Variants in NME8 observed in about 807,000 individuals in gnomAD.
The protein encoded by NME8 is protein NME8.
Under a neutral mutation model 82.3 loss-of-function variants are expected in NME8, and 72 were observed. The ratio of observed to expected loss-of-function variants is 0.87; its 90% CI spans 0.72 to 1.06. The LOEUF is 1.06. Among genes scored for constraint, NME8 ranks in the 50% least tolerant of loss-of-function variants. The pLI is 0.00. For missense variants in NME8, 712 were observed against 685.4 expected (o/e 1.04, Z -0.43); for synonymous variants, 267 against 228.5 (o/e 1.17, Z -1.52).
intron 10 of NME8, among the ~76,000 whole-genome samples, chr7:37,866,040 A>C (rs1784670946): frequency 6.6e-6 from 1 of 151,032 alleles, no homozygotes; most frequent in African/African-American, 2.4e-5. Context: ...CAACTGCCCC[A>C]CTCCTGCCAC....
At chr7:37,889,719 C>T (rs376849239) in intron 15 of NME8, among the ~76,000 whole-genome samples, 31 of 151,694 alleles carry the variant, frequency 2.0e-4, no homozygotes, top group Non-Finnish European at 3.1e-4. Context: ...GTGGTGTTGC[C>T]GAACTACCAT....
At chr7:37,895,548 G>A (rs7811872) in intron 16 of NME8, among the ~76,000 whole-genome samples, 4,432 of 152,190 alleles carry the variant, frequency 0.029, 102 homozygotes, top group Non-Finnish European at 0.04. Flanking sequence ...TTTACACAGA[G>A]TTCATAATTA....
chr7:37,899,776 C>A (rs1360070806), intron 17 of NME8, among the ~76,000 whole-genome samples: 1 of 152,120 alleles, frequency 6.6e-6, no homozygotes, highest in African/African-American at 2.4e-5. Flanking sequence ...ACAATACCAA[C>A]AAACTCCCTA....
At chr7:37,864,665 C>T (rs2598032) in intron 9 of NME8, among the ~76,000 whole-genome samples, 2 of 151,984 alleles carry the variant, frequency 1.3e-5, no homozygotes, top group African/African-American at 4.8e-5. Flanking sequence ...AGTTCTTATA[C>T]TAGATTGTAT....
chr7:37,858,486 G>GT (rs1784546009), intron 6 of NME8, among the ~76,000 whole-genome samples: 1 of 151,982 alleles, frequency 6.6e-6, no homozygotes, highest in Admixed American at 6.6e-5. Flanking sequence ...GTTTTGTTTT[G>GT]TTTTTTGTAA....
Position 37,862,014 on chromosome 7 carries a change from C to T in NME8, c.271-14C>T, listed in dbSNP as rs75531720. The T allele has an allele frequency of 1.0e-3, 1,576 of 1,564,850 alleles. 13 individuals are homozygous for T. The African/African-American group carries it at 0.016, about 15-fold the overall frequency. On this transcript the variant is annotated splice_polypyrimidine_tract_variant and intron_variant, in intron 6 of 17. Coordinates refer to ENST00000199447, the MANE Select transcript of NME8 (RefSeq NM_016616.5). ...CAAATGAAAGTTCCCCTCCTGTTTT[C>T]ATTTCCCTTATAGAATGGCAAAATT... is the stretch of plus-strand genomic sequence containing the variant.
intron 5 of NME8, among the ~76,000 whole-genome samples, chr7:37,851,475 T>G (rs1784437627): frequency 7.2e-6 from 1 of 138,684 alleles, no homozygotes; most frequent in Admixed American, 7.1e-5. Context: ...GGATTAATTA[T>G]TTCTGATTAA....
At chr7:37,882,596 AAAGAGAGAGAGAGAGAG>A (rs1562838187) in intron 12 of NME8, among the ~76,000 whole-genome samples, 22 of 49,826 alleles carry the variant, frequency 4.4e-4, no homozygotes, top group South Asian at 9.2e-4. Context: ...AGAAAGAAAG[AAAGAGAGAGAGAGAGAG>A]AGAAAGAAAG....
chr7:37,878,046 G>A (rs1784884246), intron 12 of NME8, among the ~76,000 whole-genome samples: 1 of 152,122 alleles, frequency 6.6e-6, no homozygotes, highest in African/African-American at 2.4e-5. Context: ...AGACATCTTT[G>A]CCTTGTACCT....
At chr7:37,861,409 C>T (rs564021796) in intron 6 of NME8, among the ~76,000 whole-genome samples, 1 of 152,190 alleles carries the variant, frequency 6.6e-6, no homozygotes, top group Non-Finnish European at 1.5e-5. Flanking sequence ...AGAATCACTT[C>T]CTGACATTGA....
chr7:37,854,671 C>G (rs1784485447), intron 5 of NME8, among the ~76,000 whole-genome samples: 1 of 152,152 alleles, frequency 6.6e-6, no homozygotes, highest in Admixed American at 6.6e-5. Context: ...ACTGGCTCTT[C>G]TACATCTTCT....
intron 12 of NME8, among the ~76,000 whole-genome samples, chr7:37,882,459 C>T (rs1784961146): frequency 6.7e-6 from 1 of 150,330 alleles, no homozygotes; most frequent in Admixed American, 6.7e-5. Context: ...TGCACCCCAG[C>T]CTGGGCGACA....
At chr7:37,893,208 C>A (rs1411910406) in intron 15 of NME8, among the ~76,000 whole-genome samples, 1 of 152,064 alleles carries the variant, frequency 6.6e-6, no homozygotes, top group Non-Finnish European at 1.5e-5. Flanking sequence ...AGAGACTTTT[C>A]TTTTCCAAGG....
intron 16 of NME8, 138 bp downstream of exon 16, chr7:37,894,748 T>G: frequency 1.1e-6 from 1 of 896,040 alleles, no homozygotes; most frequent in South Asian, 1.8e-5. Context: ...CATTCATGGT[T>G]CATCTTTTTT....
chr7:37,876,743 TA>T, intron 11 of NME8, 88 bp from the exon 12 acceptor site: 3 of 933,758 alleles, frequency 3.2e-6, no homozygotes, highest in Non-Finnish European at 5.0e-6. Flanking sequence ...AAACTTCTAG[TA>T]ATTTCTGAAC....
rs776392517 is a variant in NME8 at position 37,894,555 on chromosome 7, T to C, written c.1489T>C (p.Tyr497His). 2.5e-6 allele frequency: 4 copies of C among 1,607,942 alleles called. No homozygotes were observed. In the East Asian group the frequency reaches 8.9e-5, roughly 36 times the overall value. Residue 497 changes from tyrosine (Y) to histidine (H), a missense_variant, in exon 16 of 18, where the codon TAT (tyrosine) becomes CAT (histidine). Transcript: ENST00000199447. ...AACTCCTGAGCAAATAGAGAAAATT[T>C]ATCCAAAAGTAACAGGAAAAGACTT... ...FLTPEQIEKIYPKVTGKDFYK... is the reference protein window; with the variant it reads ...FLTPEQIEKIHPKVTGKDFYK...
chr7:37,869,944 A>G (rs1784743172), intron 11 of NME8, among the ~76,000 whole-genome samples: 1 of 152,186 alleles, frequency 6.6e-6, no homozygotes, highest in Admixed American at 6.6e-5. Context: ...TATCTGCCTA[A>G]GATCCTCAGA....
At chr7:37,863,271 T>C in intron 7 of NME8, 125 bp from the exon 8 acceptor site, 1 of 662,138 alleles carries the variant, frequency 1.5e-6, no homozygotes, top group South Asian at 1.7e-5. Flanking sequence ...GTTCAGGAAC[T>C]CTTCCACTTT....
chr7:37,882,511 A>G, intron 12 of NME8, among the ~76,000 whole-genome samples: 1 of 150,024 alleles, frequency 6.7e-6, no homozygotes, highest in Non-Finnish European at 1.5e-5. Flanking sequence ...GAAAAGAAAT[A>G]AAGGAAGGAA....
Sources: gnomAD v4.1 joint callset for allele counts (sites outside exome capture counted in the v4.1 genomes callset) on GRCh38, gnomAD v4.1.1 for gene constraint, MANE v1.5 for transcripts, NCBI Gene and HGNC (gene_info 2026-07-23, HGNC 2026-07-21) for gene names.